GLB1L2: variants seen among roughly 807,000 people sequenced by gnomAD.
The protein encoded by GLB1L2 is galactosidase beta 1 like 2.
A neutral mutation model predicts 84.1 loss-of-function variants in GLB1L2; 68 were observed. That is an observed-to-expected ratio of 0.81 (90% CI 0.67 to 0.99). The LOEUF is 0.99. Among genes scored for constraint, GLB1L2 ranks in the 50% least tolerant of loss-of-function variants. The pLI, the probability that GLB1L2 is intolerant of heterozygous loss-of-function variation, is 0.00. For missense variants in GLB1L2, 762 were observed against 805.6 expected (o/e 0.95, Z 0.66); for synonymous variants, 290 against 318.0 (o/e 0.91, Z 0.94).
chr11:134,371,731 T>C, intron 14 of GLB1L2, 21 bp from the exon 15 acceptor site: 4 of 1,613,406 alleles, frequency 2.5e-6, no homozygotes, highest in Non-Finnish European at 3.4e-6. Flanking sequence ...ACAGTCATCG[T>C]TAGCCCCGTG....
intron 5 of GLB1L2, among the ~76,000 whole-genome samples, chr11:134,349,974 T>A (rs1294865653): frequency 6.6e-6 from 1 of 152,190 alleles, no homozygotes; most frequent in African/African-American, 2.4e-5. Context: ...CCTACTGTGG[T>A]TGAGCTGGAT....
chr11:134,350,919 T>G (rs1943620456), intron 5 of GLB1L2, among the ~76,000 whole-genome samples: 1 of 151,450 alleles, frequency 6.6e-6, no homozygotes, highest in African/African-American at 2.5e-5. Context: ...AGCTAGATAG[T>G]TTTTTTTAGG....
At chr11:134,358,941 A>T in intron 6 of GLB1L2, 119 bp from the exon 7 acceptor site, 1 of 687,628 alleles carries the variant, frequency 1.5e-6, no homozygotes. Context: ...GCAGAGAAAT[A>T]AACGCTTTAT....
At chr11:134,352,669 TGGA>T in intron 5 of GLB1L2, among the ~76,000 whole-genome samples, 2 of 150,768 alleles carry the variant, frequency 1.3e-5, no homozygotes, top group East Asian at 3.9e-4. Context: ...TTTTTTGAGA[TGGA>T]GTCTCGCTCT....
rs769759025 is a variant in GLB1L2, at chr11:134,374,843, AGTT to A, written c.1825-124_1825-122del. 8.7e-4 allele frequency: 1,004 copies of A among 1,158,926 alleles called. 7 individuals carry two copies. Among genetic ancestry groups the A allele is most frequent in the Admixed American group, 9.8e-4 (55 of 56,328 alleles). The allele number at this position is 1,158,926 out of a possible 1,614,324, so 71.8% of individuals were successfully genotyped here. On this transcript the variant is annotated intron_variant, in intron 18 of 18. Coordinates refer to ENST00000535456, the MANE Select transcript of GLB1L2 (RefSeq NM_001370461.1). ...TCCTCCCTCCTCCTCGCTGCAGACGAGTTGTTGGTCCCTGTCCCTTCCAGCCTG... is the reference window on the plus strand; with the variant it reads ...TCCTCCCTCCTCCTCGCTGCAGACGAGTTGGTCCCTGTCCCTTCCAGCCTG...
rs1943941314 is a variant in GLB1L2, at chr11:134,370,754, G to T, written c.1216-254G>T. On this transcript the variant is annotated intron_variant, in intron 12 of 18. Coordinates refer to ENST00000535456, the MANE Select transcript of GLB1L2 (RefSeq NM_001370461.1). This position sits in a 1 kb window ranked among gnomAD's most constrained non-coding sequence, Gnocchi z 4.7. ...AGGCCGTCCCCTCCCCAAGAAGGGG[G>T]TGCCTCCTCCGGCGGACTGAGGCTG... Among the ~76,000 whole-genome samples, 1 of 152,178 alleles carries T rather than the reference G, an allele frequency of 6.6e-6. No individual in the cohort carries two copies.
Position 134,338,116 on chromosome 11 carries a change from CCGGATGTTCACGG to C in GLB1L2, c.87-4636_87-4624del, listed in dbSNP as rs1351302931. Among the ~76,000 whole-genome samples, 6 of 148,224 alleles carry C rather than the reference CCGGATGTTCACGG, an allele frequency of 4.0e-5. No homozygotes were observed. The highest frequency in any genetic ancestry group is 1.6e-4 in the African/African-American group (6 of 37,764). ...GGTCTCCACCGGCGGTCATCGTACT[CCGGATGTTCACGG>C]CACTCCGGATGTTCTGCTGTGCCCG... On this transcript the variant is annotated intron_variant, in intron 1 of 18. Transcript: ENST00000535456. This position sits in a 1 kb window ranked among gnomAD's most constrained non-coding sequence, Gnocchi z 6.2.
rs1591609691 is a variant in GLB1L2, at chr11:134,339,478, T to C, written c.87-3276T>C. Among the ~76,000 whole-genome samples the C allele has an allele frequency of 6.6e-6, 1 of 152,162 alleles. No individual in the cohort carries two copies. Among genetic ancestry groups the C allele is most frequent in the South Asian group, 2.1e-4 (1 of 4,824 alleles). On this transcript the variant is annotated intron_variant, in intron 1 of 18. Transcript: ENST00000535456. The surrounding 1 kb of genome is among the most constrained non-coding windows in gnomAD (Gnocchi z 5.7). ...TGAATCCATCCCTTTTAATAAGGTA[T>C]TGACAACTTCTCTAGTAACCTACCA...
At chr11:134,366,210 A>G (rs1385071679) in intron 8 of GLB1L2, among the ~76,000 whole-genome samples, 1 of 152,138 alleles carries the variant, frequency 6.6e-6, no homozygotes. Context: ...TGGGACTTTG[A>G]ATCTGCTTCT....
Position 134,375,461 on chromosome 11 carries a change from A to G in GLB1L2, c.*403A>G, listed in dbSNP as rs1223114508. The stretch of plus-strand genomic sequence containing the variant: ...TTGCTGGTTCCTGGGAGGCTTGGCC[A>G]CATCCCTCATGGCCCCATTTTATCC... On this transcript the variant is annotated 3_prime_UTR_variant, in exon 19 of 19. Coordinates refer to ENST00000535456, the MANE Select transcript of GLB1L2 (RefSeq NM_001370461.1). The G allele has an allele frequency of 5.6e-6, 1 of 177,966 alleles. No homozygotes were observed. The highest frequency in any genetic ancestry group is 1.2e-5 in the Non-Finnish European group (1 of 85,894). 11.0% of individuals were successfully genotyped at this position (177,966 alleles called of 1,614,324 possible). A position where few individuals can be genotyped will look rare whatever the true frequency, so the allele number is the denominator to read the frequency against.
In GLB1L2 at chr11:134,356,989, A is replaced by G. The variant is rs116653350; in HGVS notation, c.651+596A>G. On this transcript the variant is annotated intron_variant, in intron 6 of 18. Transcript: ENST00000535456. ...TTTCTAAACCTCCTTTCTCTCTTCTATAAAGTGTGACTAATAGGAGTATTT... is the reference window on the plus strand; with the variant it reads ...TTTCTAAACCTCCTTTCTCTCTTCTGTAAAGTGTGACTAATAGGAGTATTT... Among the ~76,000 whole-genome samples, 1,436 of 152,332 alleles carry G rather than the reference A, an allele frequency of 9.4e-3. 24 individuals are homozygous for G. The highest frequency in any genetic ancestry group is 0.033 in the African/African-American group (1,359 of 41,570).
rs577565608 is a variant in GLB1L2 at position 134,344,891 on chromosome 11, G to T, written c.354-143G>T. On this transcript the variant is annotated intron_variant, in intron 3 of 18. Coordinates refer to ENST00000535456, the MANE Select transcript of GLB1L2 (RefSeq NM_001370461.1). The stretch of plus-strand genomic sequence containing the variant: ...GAGCAGCTCAGGCCACCGACCTGGT[G>T]TGGGAGTCCCCGCGCTTTGGGGGTG... 22 of 951,318 alleles carry T rather than the reference G, an allele frequency of 2.3e-5. No homozygotes were observed. The African/African-American group carries it at 3.1e-4, about 13-fold the overall frequency. The allele number at this position is 951,318 out of a possible 1,614,324, so 58.9% of individuals were successfully genotyped here.
Position 134,356,659 on chromosome 11 carries a change from A to G in GLB1L2, c.651+266A>G, listed in dbSNP as rs184517095. Among the ~76,000 whole-genome samples, 1,232 of 152,322 alleles carry G rather than the reference A, an allele frequency of 8.1e-3. 3 individuals are homozygous for G. The highest frequency in any genetic ancestry group is 0.031 in the Middle Eastern group (9 of 294). ...CTTAATTGCGTGGTGATGATTAGGA[A>G]GGCTTCCTGGAGAGGCGGCTCCAAT... is the stretch of plus-strand genomic sequence containing the variant. On this transcript the variant is annotated intron_variant, in intron 6 of 18. Transcript: ENST00000535456.
At chr11:134,344,049 C>T (rs550548193) in intron 2 of GLB1L2, among the ~76,000 whole-genome samples, 29 of 152,318 alleles carry the variant, frequency 1.9e-4, no homozygotes, top group Non-Finnish European at 2.9e-4. Flanking sequence ...GGATGATCAC[C>T]GAGCTTTCCC....
At chr11:134,341,959 C>T (rs1455544184) in intron 1 of GLB1L2, among the ~76,000 whole-genome samples, 1 of 72,298 alleles carries the variant, frequency 1.4e-5, no homozygotes, top group Non-Finnish European at 3.6e-5. Context: ...GACTCAGCCA[C>T]CCAGCACCGG....
intron 15 of GLB1L2, among the ~76,000 whole-genome samples, chr11:134,372,061 A>G (rs1943961610): frequency 1.3e-5 from 2 of 152,196 alleles, no homozygotes; most frequent in Non-Finnish European, 2.9e-5. Context: ...CGTGATAAAC[A>G]CTGTGAACAC....
At position 134,332,127 on chromosome 11, in the gene GLB1L2, G is replaced by C; in HGVS notation, c.66G>C (p.Leu22Phe). 1 of 1,582,774 alleles carries C rather than the reference G, an allele frequency of 6.3e-7. No homozygotes were observed. Among genetic ancestry groups the C allele is most frequent in the Non-Finnish European group, 8.6e-7 (1 of 1,166,226 alleles). ...TGGGACTCCTGCTGCTGGTCGTCTT[G>C]GGCTTCCTGGTGCTCCGCAGGTGAG... Reference protein sequence around the residue: ...RTLGLLLLVVLGFLVLRRLDW... With the variant: ...RTLGLLLLVVFGFLVLRRLDW... The change falls in exon 1 of 19, where the codon TTG becomes TTC. Residue 22 changes from leucine (L) to phenylalanine (F), a missense_variant. This residue lies in a region of GLB1L2 where 100 missense variants were observed against 88.8 expected (regional missense o/e 1.13). Transcript: ENST00000535456.
At chr11:134,350,203 G>A (rs887163510) in intron 5 of GLB1L2, among the ~76,000 whole-genome samples, 6 of 152,132 alleles carry the variant, frequency 3.9e-5, no homozygotes, top group Admixed American at 6.5e-5. Flanking sequence ...TAGGAATTGC[G>A]GTCTTTGTGT....
intron 10 of GLB1L2, 81 bp from the exon 11 acceptor site, chr11:134,369,724 T>C (rs1943920196): frequency 7.8e-7 from 1 of 1,288,052 alleles, no homozygotes; most frequent in Non-Finnish European, 1.1e-6. Flanking sequence ...CTGTGGCCCT[T>C]CCAAGCTTCT....
Sources: gnomAD v4.1 joint callset for allele counts (sites outside exome capture counted in the v4.1 genomes callset) on GRCh38, gnomAD v4.1.1 for gene constraint, gnomAD v4.1.1 regional missense constraint, Gnocchi (gnomAD v3.1) non-coding constraint, MANE v1.5 for transcripts, NCBI Gene and HGNC (gene_info 2026-07-23, HGNC 2026-07-21) for gene names.